The following HS6ST3 variants were observed in gnomAD, a reference collection of about 807,000 sequenced individuals.
HS6ST3 encodes heparan-sulfate 6-O-sulfotransferase 3.
A neutral mutation model predicts 36.7 loss-of-function variants in HS6ST3; 12 were observed. The ratio of observed to expected loss-of-function variants is 0.33; its 90% CI spans 0.21 to 0.53. The LOEUF (loss-of-function observed/expected upper bound fraction) is 0.53, where lower values mean the gene tolerates loss of function less well. Ranked by LOEUF, HS6ST3 falls within the 20% of genes least tolerant of loss-of-function variation. The pLI is 0.95. For synonymous variants in HS6ST3, 240 were observed against 257.5 expected (o/e 0.93, Z 0.65); for missense variants, 584 against 640.9 (o/e 0.91, Z 0.96).
At chr13:96,352,730 A>G (rs1054950492) in intron 1 of HS6ST3, among the ~76,000 whole-genome samples, 10 of 152,328 alleles carry the variant, frequency 6.6e-5, no homozygotes, top group Middle Eastern at 3.4e-3. Context: ...TAACAGAAAA[A>G]CAAATATCTG....
chr13:96,437,568 T>G (rs1271351522), intron 1 of HS6ST3, among the ~76,000 whole-genome samples: 1 of 152,222 alleles, frequency 6.6e-6, no homozygotes, highest in African/African-American at 2.4e-5. Flanking sequence ...ATTCAGAGAA[T>G]CTGATGACTT....
chr13:96,259,969 C>A (rs1055429688), intron 1 of HS6ST3, among the ~76,000 whole-genome samples: 1 of 151,940 alleles, frequency 6.6e-6, no homozygotes, highest in Non-Finnish European at 1.5e-5. Flanking sequence ...ATATTATTTT[C>A]TTGGTGGTGC....
At chr13:96,405,813 A>G (rs998354280) in intron 1 of HS6ST3, among the ~76,000 whole-genome samples, 3 of 152,178 alleles carry the variant, frequency 2.0e-5, no homozygotes, top group African/African-American at 7.2e-5. Context: ...TTTCCTTGCA[A>G]GTGCCTTTGG....
chr13:96,260,901 A>C (rs2054663208), intron 1 of HS6ST3, among the ~76,000 whole-genome samples: 1 of 152,090 alleles, frequency 6.6e-6, no homozygotes, highest in Non-Finnish European at 1.5e-5. Flanking sequence ...TGGCCTCTCA[A>C]AGTGCTGGGA....
At chr13:96,630,644 C>G (rs986616544) in intron 1 of HS6ST3, among the ~76,000 whole-genome samples, 3 of 151,976 alleles carry the variant, frequency 2.0e-5, no homozygotes, top group African/African-American at 7.2e-5. Flanking sequence ...ACAAGCTACC[C>G]AAATAGAGAG....
intron 1 of HS6ST3, among the ~76,000 whole-genome samples, chr13:96,683,819 T>C (rs1251633502): frequency 6.6e-6 from 1 of 152,092 alleles, no homozygotes; most frequent in Non-Finnish European, 1.5e-5. Context: ...TTTAATAAAC[T>C]TTGTGTTAAG....
intron 1 of HS6ST3, among the ~76,000 whole-genome samples, chr13:96,666,944 A>C (rs1217836574): frequency 6.6e-6 from 1 of 152,160 alleles, no homozygotes; most frequent in Non-Finnish European, 1.5e-5. Flanking sequence ...GAACTATGCC[A>C]GTAAATTTGC....
intron 1 of HS6ST3, among the ~76,000 whole-genome samples, chr13:96,775,269 A>C (rs1877358939): frequency 6.6e-6 from 1 of 152,168 alleles, no homozygotes; most frequent in Non-Finnish European, 1.5e-5. Flanking sequence ...AAGGAACTGC[A>C]TCAACTAATG....
intron 1 of HS6ST3, among the ~76,000 whole-genome samples, chr13:96,294,172 G>A (rs1048115772): frequency 3.9e-5 from 6 of 152,064 alleles, no homozygotes; most frequent in African/African-American, 1.4e-4. Context: ...TCTACGCAGA[G>A]AATTACTTAT....
intron 1 of HS6ST3, among the ~76,000 whole-genome samples, chr13:96,129,797 G>A (rs1357490624): frequency 6.6e-6 from 1 of 152,134 alleles, no homozygotes; most frequent in African/African-American, 2.4e-5. Flanking sequence ...ACAAAAAGGG[G>A]AAATTTGAAG....
At chr13:96,446,502 T>A (rs1233773112) in intron 1 of HS6ST3, among the ~76,000 whole-genome samples, 2 of 152,178 alleles carry the variant, frequency 1.3e-5, no homozygotes. Context: ...CTCACAATGA[T>A]AGGAGAAAAT....
chr13:96,770,117 T>G (rs1877225757), intron 1 of HS6ST3, among the ~76,000 whole-genome samples: 1 of 152,204 alleles, frequency 6.6e-6, no homozygotes, highest in African/African-American at 2.4e-5. Flanking sequence ...TAGGGACAGA[T>G]ATTCTCATTA....
chr13:96,366,745 G>T (rs1325688268), intron 1 of HS6ST3, among the ~76,000 whole-genome samples: 1 of 152,224 alleles, frequency 6.6e-6, no homozygotes, highest in African/African-American at 2.4e-5. Flanking sequence ...TTCTTGATAT[G>T]GTTTGGCTGT....
intron 1 of HS6ST3, among the ~76,000 whole-genome samples, chr13:96,530,706 A>G (rs1285597605): frequency 6.6e-6 from 1 of 152,146 alleles, no homozygotes; most frequent in Non-Finnish European, 1.5e-5. Flanking sequence ...TACGTCTTTG[A>G]AATCTATTCC....
rs541467843 is a variant in HS6ST3 at position 96,106,239 on chromosome 13, A to G, written c.707+14670A>G. On this transcript the variant is annotated intron_variant, in intron 1 of 1. Transcript: ENST00000376705. ...CCCTTCATGCCCTGTATTGGCTTTA[A>G]TGACTTGATTCTAATTAATAGAGTA... is the stretch of plus-strand genomic sequence containing the variant. 8.5e-5 allele frequency among the ~76,000 whole-genome samples: 13 copies of G among 152,340 alleles called. No homozygotes were observed. In the East Asian group the frequency reaches 9.6e-4, roughly 11 times the overall value.
intron 1 of HS6ST3, among the ~76,000 whole-genome samples, chr13:96,730,795 A>G (rs957122073): frequency 6.6e-6 from 1 of 152,206 alleles, no homozygotes. Context: ...GTGAAGGGGC[A>G]CTATCATGGT....
chr13:96,307,834 G>C (rs138255358), intron 1 of HS6ST3, among the ~76,000 whole-genome samples: 3 of 152,086 alleles, frequency 2.0e-5, no homozygotes, highest in African/African-American at 7.2e-5. Context: ...CACGATGAGA[G>C]GGAAGCTTGA....
intron 1 of HS6ST3, among the ~76,000 whole-genome samples, chr13:96,242,576 CTAGCCTATTTCGCTTAGCAT>C (rs1336683578): frequency 2.8e-3 from 426 of 152,316 alleles, no homozygotes; most frequent in Middle Eastern, 0.027. Context: ...CCTTCTATGA[CTAGCCTATTTCGCTTAGCAT>C]AATATCTTCC....
intron 1 of HS6ST3, among the ~76,000 whole-genome samples, chr13:96,539,394 T>TA (rs1002920691): frequency 3.3e-5 from 5 of 151,944 alleles, no homozygotes; most frequent in Non-Finnish European, 5.9e-5. Context: ...CTCACACTGT[T>TA]ACCCAGGCTG....
Sources: allele counts gnomAD v4.1 joint callset (sites outside exome capture counted in the v4.1 genomes callset), GRCh38; gene constraint gnomAD v4.1.1; transcripts MANE v1.5; gene names NCBI Gene and HGNC (gene_info 2026-07-23, HGNC 2026-07-21).